Variants in ADCY10 observed in about 807,000 individuals in gnomAD.
ADCY10 encodes adenylate cyclase type 10.
A neutral mutation model predicts 183.3 loss-of-function variants in ADCY10; 156 were observed. That is an observed-to-expected ratio of 0.85 (90% CI 0.75 to 0.97). The LOEUF is 0.97. ADCY10 is among the 50% of genes least tolerant of loss of function. The pLI, the probability that ADCY10 is intolerant of heterozygous loss-of-function variation, is 0.00. For synonymous variants in ADCY10, 645 were observed against 670.0 expected, an observed-to-expected ratio of 0.96 and a Z score of 0.58; for missense variants, 1,745 against 1,934.3, an observed-to-expected ratio of 0.90 and a Z score of 1.84.
intron 6 of ADCY10, among the ~76,000 whole-genome samples, 156 bp downstream of exon 6, chr1:167,899,267 C>A (rs1208938615): frequency 6.6e-6 from 1 of 152,180 alleles, no homozygotes; most frequent in Non-Finnish European, 1.5e-5. Flanking sequence ...AGAGGAGCTG[C>A]CCTGGACTAA....
intron 24 of ADCY10, 58 bp from the exon 25 acceptor site, chr1:167,833,220 T>G: frequency 6.7e-7 from 1 of 1,492,794 alleles, no homozygotes. Flanking sequence ...CTAACTTAAT[T>G]AGTAGGTCCC....
chr1:167,845,496 C>G (rs1476867045), intron 21 of ADCY10, 67 bp downstream of exon 21: 1 of 1,537,926 alleles, frequency 6.5e-7, no homozygotes, highest in East Asian at 2.3e-5. Flanking sequence ...CACACCCACT[C>G]CTTCTAGATC....
At chr1:167,883,754 G>T in intron 8 of ADCY10, 126 bp from the exon 9 acceptor site, 1 of 833,574 alleles carries the variant, frequency 1.2e-6, no homozygotes, top group Non-Finnish European at 2.0e-6. Flanking sequence ...GGTACAACAT[G>T]ACAGAGCCAG....
chr1:167,837,110 C>T (rs565752399), intron 22 of ADCY10, 139 bp downstream of exon 22: 1 of 740,454 alleles, frequency 1.4e-6, no homozygotes, highest in South Asian at 1.4e-5. Context: ...TGACTAAACT[C>T]ACCATGCATA....
At chr1:167,871,953 T>A (rs1019428608) in intron 13 of ADCY10, among the ~76,000 whole-genome samples, 11 of 152,238 alleles carry the variant, frequency 7.2e-5, no homozygotes, top group African/African-American at 2.7e-4. Context: ...CACACCAACA[T>A]GGCACATGTA....
chr1:167,885,070 C>G (rs757542804), intron 8 of ADCY10, among the ~76,000 whole-genome samples: 12 of 152,192 alleles, frequency 7.9e-5, no homozygotes, highest in Non-Finnish European at 1.5e-4. Flanking sequence ...GTTTATTTCA[C>G]TTAATATAAT....
rs1662075154 is a variant in ADCY10 at position 167,809,659 on chromosome 1, A to G, written c.*19T>C. 1 of 1,613,766 alleles carries G rather than the reference A, an allele frequency of 6.2e-7. No individual in the cohort carries two copies. The highest frequency in any genetic ancestry group is 8.5e-7 in the Non-Finnish European group (1 of 1,179,664). On this transcript the variant is annotated 3_prime_UTR_variant, in exon 33 of 33. Coordinates refer to ENST00000367851, the MANE Select transcript of ADCY10 (RefSeq NM_018417.6). Reference sequence around the variant, plus strand: ...TCACAAGGACATAGTGCTTATTAAAATCTTTTTTCTTTGACATGTTAGAAA... The same window carrying G: ...TCACAAGGACATAGTGCTTATTAAAGTCTTTTTTCTTTGACATGTTAGAAA...
intron 5 of ADCY10, among the ~76,000 whole-genome samples, chr1:167,900,701 T>A (rs764961976): frequency 8.5e-5 from 13 of 152,074 alleles, no homozygotes; most frequent in Non-Finnish European, 1.5e-4. Context: ...CCTGGCTAAT[T>A]TTTGTATTTT....
At position 167,824,634 on chromosome 1, in the gene ADCY10, G is replaced by C. The variant is rs777261057; in HGVS notation, c.3955+17C>G. ...TCCTTGTATCCTCATGTCCCATCTT[G>C]CCCAGCCAGCCCTTACCTAACTCAA... On this transcript the variant is annotated intron_variant, in intron 27 of 32. Coordinates refer to ENST00000367851, the MANE Select transcript of ADCY10 (RefSeq NM_018417.6). 1.1e-5 allele frequency: 18 copies of C among 1,613,948 alleles called. No individual in the cohort carries two copies. In the African/African-American group the frequency reaches 2.1e-4, roughly 19 times the overall value.
intron 12 of ADCY10, 137 bp downstream of exon 12, chr1:167,878,309 C>G: frequency 1.1e-6 from 1 of 922,540 alleles, no homozygotes. Context: ...ATTTTGAAGT[C>G]TGGGCCTTGG....
chr1:167,871,755 A>C (rs532972435), intron 13 of ADCY10, among the ~76,000 whole-genome samples: 16 of 152,250 alleles, frequency 1.1e-4, no homozygotes, highest in African/African-American at 3.4e-4. Flanking sequence ...TTTGCTTGGT[A>C]ATATACATTT....
At chr1:167,818,860 A>C (rs1301665540) in intron 30 of ADCY10, among the ~76,000 whole-genome samples, 3 of 152,174 alleles carry the variant, frequency 2.0e-5, no homozygotes, top group African/African-American at 7.2e-5. Flanking sequence ...TAAATTAAAA[A>C]GTGAGGGAGA....
chr1:167,809,437 C>T lies in ADCY10; in HGVS notation c.*241G>A, dbSNP rs1662061480. On this transcript the variant is annotated 3_prime_UTR_variant, in exon 33 of 33. Coordinates refer to ENST00000367851, the MANE Select transcript of ADCY10 (RefSeq NM_018417.6). Reference sequence around the variant, plus strand: ...ACAGTTTTGCATGGGCTGAAATAAACAGGTCAAGCTAAAACAACATGAATG... The same window carrying T: ...ACAGTTTTGCATGGGCTGAAATAAATAGGTCAAGCTAAAACAACATGAATG... 2 of 498,908 alleles carry T rather than the reference C, an allele frequency of 4.0e-6. No homozygotes were observed. Among genetic ancestry groups the T allele is most frequent in the South Asian group, 2.4e-5 (1 of 42,404 alleles). 30.9% of individuals were successfully genotyped at this position (498,908 alleles called of 1,614,324 possible). A position where few individuals can be genotyped will look rare whatever the true frequency, so the allele number is the denominator to read the frequency against.
At chr1:167,814,080 A>G (rs1662373455) in intron 31 of ADCY10, among the ~76,000 whole-genome samples, 1 of 152,160 alleles carries the variant, frequency 6.6e-6, no homozygotes, top group Non-Finnish European at 1.5e-5. Flanking sequence ...AAAAGCTGTA[A>G]GGCATATTGA....
rs948064730 is a variant in ADCY10 at position 167,833,137 on chromosome 1, A to C, written c.3443T>G (p.Val1148Gly). 20 of 1,614,076 alleles carry C rather than the reference A, an allele frequency of 1.2e-5. No individual in the cohort carries two copies. In the African/African-American group the frequency reaches 2.7e-4, roughly 22 times the overall value. The change falls in exon 25 of 33, where the codon GTG becomes GGG. Residue 1148 changes from valine (V) to glycine (G), a missense_variant. Val to Gly is a moderately radical substitution (Grantham distance 109). Transcript: ENST00000367851. ...GEVCFNMGQIVLAKKMLRKAL... is the reference protein window; with the variant it reads ...GEVCFNMGQIGLAKKMLRKAL... ...CTTCCTCAGCATTTTCTTGGCAAGC[A>C]CTATCTGGCCCATATTGAAACAGAC...
At chr1:167,863,322 C>T (rs203804) in intron 14 of ADCY10, among the ~76,000 whole-genome samples, 3,598 of 152,232 alleles carry the variant, frequency 0.024, 123 homozygotes, top group African/African-American at 0.074. Context: ...TGAAATCTCT[C>T]GTTCTGTTCT....
At chr1:167,913,847 C>A (rs571003694) in intron 1 of ADCY10, 129 bp downstream of exon 1, 1 of 152,236 alleles carries the variant, frequency 6.6e-6, no homozygotes, top group African/African-American at 2.4e-5. Context: ...GAGGTATACA[C>A]AAACTTGAAC....
At position 167,870,377 on chromosome 1, in the gene ADCY10, G is replaced by A; in HGVS notation, c.1496C>T (p.Thr499Ile). ...GTTAGATATCAAAAATTTCTTCATA[G>A]TATACATGAAGTAGTTGATCTCTTT... is the stretch of plus-strand genomic sequence containing the variant. ...RNKEINYFMY[T>I]MKKFLISNSS... The change falls in exon 14 of 33, where the codon ACT (threonine) becomes ATT (isoleucine). Residue 499 changes from threonine to isoleucine, a missense_variant. Transcript: ENST00000367851. 1.2e-6 allele frequency: 2 copies of A among 1,611,228 alleles called. No homozygotes were observed. The highest frequency in any genetic ancestry group is 1.7e-6 in the Non-Finnish European group (2 of 1,177,516).
chr1:167,832,947 T>G, intron 25 of ADCY10, 40 bp downstream of exon 25: 3 of 1,602,012 alleles, frequency 1.9e-6, no homozygotes, highest in Non-Finnish European at 2.6e-6. Context: ...CTCTGGGGAG[T>G]GAGACTAAAC....
Sources: allele counts gnomAD v4.1 joint callset (sites outside exome capture counted in the v4.1 genomes callset), GRCh38; gene constraint gnomAD v4.1.1; transcripts MANE v1.5; gene names NCBI Gene and HGNC (gene_info 2026-07-23, HGNC 2026-07-21).